The following CNTN4 variants were observed in gnomAD, a reference collection of about 807,000 sequenced individuals.
The protein encoded by CNTN4 is contactin-4.
A neutral mutation model predicts 122.5 loss-of-function variants in CNTN4; 77 were observed. The observed-to-expected ratio is 0.63, with a 90% CI of 0.52 to 0.76. The LOEUF is 0.76. Among genes scored for constraint, CNTN4 ranks in the 30% least tolerant of loss-of-function variants. The probability of loss-of-function intolerance (pLI) is 0.00; values close to 1 mark genes in which losing one functional copy is unlikely to be tolerated. For missense variants in CNTN4, 1,256 were observed against 1,259.1 expected, an observed-to-expected ratio of 1.00 and a Z score of 0.04; for synonymous variants, 512 against 447.0, an observed-to-expected ratio of 1.15 and a Z score of -1.83.
chr3:3,043,191 T>C (rs546481547), intron 22 of CNTN4, 28 bp downstream of exon 22: 3 of 1,611,912 alleles, frequency 1.9e-6, no homozygotes, highest in Admixed American at 1.7e-5. Context: ...CAGAAATATT[T>C]TGGGGATTCA....
At position 2,189,636 on chromosome 3, in the gene CNTN4, G is replaced by A. The variant is rs2037433265; in HGVS notation, c.-145+88997G>A. Reference sequence around the variant, plus strand: ...TCCCTGAAAAACAAAAAAAGAATGAGGGGCTGGAGCCCCATTCTGACTTTC... The same window carrying A: ...TCCCTGAAAAACAAAAAAAGAATGAAGGGCTGGAGCCCCATTCTGACTTTC... On this transcript the variant is annotated intron_variant, in intron 2 of 24. Coordinates refer to ENST00000418658, the MANE Select transcript of CNTN4 (RefSeq NM_175607.3). Among the ~76,000 whole-genome samples the A allele has an allele frequency of 2.0e-5, 3 of 152,140 alleles. No homozygotes were observed. In the South Asian group the frequency reaches 6.2e-4, roughly 31 times the overall value.
chr3:3,053,513 C>T (rs1316064501), intron 23 of CNTN4, among the ~76,000 whole-genome samples: 1 of 152,238 alleles, frequency 6.6e-6, no homozygotes, highest in African/African-American at 2.4e-5. Flanking sequence ...AGGAGCTACT[C>T]ATATTTTCCA....
intron 3 of CNTN4, among the ~76,000 whole-genome samples, chr3:2,348,220 A>G (rs1332908373): frequency 6.6e-6 from 1 of 150,662 alleles, no homozygotes; most frequent in East Asian, 1.9e-4. Flanking sequence ...TAAGTAGAGT[A>G]AATTAGATCA....
At chr3:3,043,446 C>A in intron 22 of CNTN4, 146 bp from the exon 23 acceptor site, 1 of 739,316 alleles carries the variant, frequency 1.4e-6, no homozygotes, top group Non-Finnish European at 2.4e-6. Context: ...TGCTGTATCT[C>A]ATCAGATTTT....
intron 2 of CNTN4, among the ~76,000 whole-genome samples, chr3:2,226,118 G>A (rs551879150): frequency 7.3e-5 from 11 of 151,628 alleles, no homozygotes; most frequent in African/African-American, 2.7e-4. Context: ...ATCAAAATAC[G>A]GCACCCACGT....
intron 3 of CNTN4, among the ~76,000 whole-genome samples, chr3:2,349,220 T>C (rs185479012): frequency 2.0e-4 from 30 of 151,916 alleles, no homozygotes; most frequent in African/African-American, 6.0e-4. Context: ...AGAGTTAATA[T>C]TAACAAAGTG....
chr3:2,248,306 T>C (rs1411623181), intron 2 of CNTN4, among the ~76,000 whole-genome samples: 1 of 151,968 alleles, frequency 6.6e-6, no homozygotes, highest in East Asian at 1.9e-4. Flanking sequence ...TTGCTTTGGT[T>C]TGTGTCTATG....
rs757513112 is a variant in CNTN4 at position 2,848,106 on chromosome 3, C to G, written c.455-18646C>G. 8.5e-5 allele frequency among the ~76,000 whole-genome samples: 13 copies of G among 152,176 alleles called. No homozygotes were observed. The South Asian group carries it at 2.3e-3, about 27-fold the overall frequency. ...CTACTAAGAATAAAAAAAATATTAGCTGGGCATAGTGGCATACACCTGTAG... is the reference window on the plus strand; with the variant it reads ...CTACTAAGAATAAAAAAAATATTAGGTGGGCATAGTGGCATACACCTGTAG... On this transcript the variant is annotated intron_variant, in intron 7 of 24. Coordinates refer to ENST00000418658, the MANE Select transcript of CNTN4 (RefSeq NM_175607.3).
chr3:2,335,253 G>T (rs897455273), intron 2 of CNTN4, among the ~76,000 whole-genome samples: 1 of 152,018 alleles, frequency 6.6e-6, no homozygotes, highest in Non-Finnish European at 1.5e-5. Context: ...AGGATAGCGG[G>T]TACAAGTTAT....
At chr3:2,639,842 A>G (rs550569855) in intron 4 of CNTN4, among the ~76,000 whole-genome samples, 83 of 152,330 alleles carry the variant, frequency 5.4e-4, no homozygotes, top group African/African-American at 2.0e-3. Context: ...CAAATGATTG[A>G]ATGCTTGACT....
intron 4 of CNTN4, among the ~76,000 whole-genome samples, chr3:2,731,961 G>C (rs1183594919): frequency 6.6e-6 from 1 of 152,200 alleles, no homozygotes; most frequent in African/African-American, 2.4e-5. Flanking sequence ...AACTACAAGT[G>C]TTCTAAGAAA....
At chr3:2,669,780 C>G (rs1221392430) in intron 4 of CNTN4, among the ~76,000 whole-genome samples, 1 of 152,162 alleles carries the variant, frequency 6.6e-6, no homozygotes, top group Non-Finnish European at 1.5e-5. Flanking sequence ...CCCAGAGATT[C>G]TGGTATGTTG....
At chr3:2,732,189 T>C (rs1326676221) in intron 4 of CNTN4, among the ~76,000 whole-genome samples, 1 of 152,106 alleles carries the variant, frequency 6.6e-6, no homozygotes, top group African/African-American at 2.4e-5. Context: ...CGATGTTCTG[T>C]TCTTAGGAAA....
At chr3:3,025,294 T>C (rs1477316234) in intron 14 of CNTN4, among the ~76,000 whole-genome samples, 2 of 152,208 alleles carry the variant, frequency 1.3e-5, no homozygotes, top group Non-Finnish European at 2.9e-5. Flanking sequence ...CCTGTATCAT[T>C]TTGTCAGTGA....
At chr3:2,417,667 A>C (rs2047465479) in intron 3 of CNTN4, among the ~76,000 whole-genome samples, 1 of 152,226 alleles carries the variant, frequency 6.6e-6, no homozygotes, top group African/African-American at 2.4e-5. Context: ...ATGTTTACAT[A>C]AAGACCTGCA....
At chr3:2,936,177 A>G (rs12496625) in intron 13 of CNTN4, among the ~76,000 whole-genome samples, 101,250 of 151,974 alleles carry the variant, frequency 0.67, 34,201 homozygotes, top group Middle Eastern at 0.85. Context: ...GTTTGTACTC[A>G]GGTAGTGTCT....
intron 2 of CNTN4, among the ~76,000 whole-genome samples, chr3:2,120,371 ATAAATATATATATATATATATAT>A (rs2033650285): frequency 2.1e-5 from 1 of 48,338 alleles, no homozygotes; most frequent in African/African-American, 6.2e-5. Flanking sequence ...ATATATATAT[ATAAATATATATATATATATATAT>A]ATATATATAT....
intron 7 of CNTN4, among the ~76,000 whole-genome samples, chr3:2,839,692 A>G (rs2093310710): frequency 6.6e-6 from 1 of 152,188 alleles, no homozygotes; most frequent in African/African-American, 2.4e-5. Flanking sequence ...CATCTCATCA[A>G]TAAGGGGCAG....
intron 3 of CNTN4, among the ~76,000 whole-genome samples, chr3:2,496,902 T>C (rs1204114781): frequency 6.6e-6 from 1 of 152,178 alleles, no homozygotes; most frequent in African/African-American, 2.4e-5. Flanking sequence ...ATAGAAGTCC[T>C]GGAGTCTGAA....
Sources: allele counts gnomAD v4.1 joint callset (sites outside exome capture counted in the v4.1 genomes callset), GRCh38; gene constraint gnomAD v4.1.1; transcripts MANE v1.5; gene names NCBI Gene and HGNC (gene_info 2026-07-23, HGNC 2026-07-21).